FLNB: variants seen among roughly 807,000 people sequenced by gnomAD.
The protein encoded by FLNB is filamin B, also known as filamin-B.
Under a neutral mutation model 250.6 loss-of-function variants are expected in FLNB, and 111 were observed. The ratio of observed to expected loss-of-function variants is 0.44; its 90% confidence interval spans 0.38 to 0.52. The LOEUF is 0.52. Among genes scored for constraint, FLNB ranks in the 20% least tolerant of loss-of-function variants. The pLI is 0.00. For missense variants in FLNB, 2,869 were observed against 3,447.8 expected (o/e 0.83, Z 4.20); for synonymous variants, 1,302 against 1,372.1 (o/e 0.95, Z 1.13).
intron 1 of FLNB, among the ~76,000 whole-genome samples, chr3:58,043,715 G>T (rs9829520): frequency 3.9e-5 from 6 of 152,042 alleles, no homozygotes; most frequent in Non-Finnish European, 4.4e-5. Flanking sequence ...TGAGAGTGCT[G>T]AGTGCAAAAC....
intron 10 of FLNB, 69 bp downstream of exon 10, chr3:58,104,154 G>T: frequency 6.5e-7 from 1 of 1,532,202 alleles, no homozygotes; most frequent in Non-Finnish European, 8.9e-7. Context: ...ATGGGTAGTT[G>T]CTTCCCGGGC....
In FLNB at chr3:58,130,744, G is replaced by C; in HGVS notation, c.4226G>C (p.Ser1409Thr). The C allele has an allele frequency of 6.2e-7, 1 of 1,612,880 alleles. No homozygotes were observed. The highest frequency in any genetic ancestry group is 8.5e-7 in the Non-Finnish European group (1 of 1,179,534). ...ITYGGAHIPG[S>T]PFRVPVKDVV... ...AATCCCACAACCTCTCTTCCAGGCA[G>C]CCCCTTCAGGGTTCCTGTGAAGGAT... The change falls in exon 25 of 46, where the codon AGC becomes ACC. Residue 1409 changes from serine to threonine, a missense_variant. By Grantham distance (58) the Ser-to-Thr change is moderately conservative (BLOSUM62 1). Around this residue, in one of 5 missense-constraint regions of FLNB, gnomAD observed 1,348 missense variants for 1,466.7 expected, o/e 0.92. Coordinates refer to ENST00000295956, the MANE Select transcript of FLNB (RefSeq NM_001457.4).
intron 18 of FLNB, among the ~76,000 whole-genome samples, chr3:58,115,146 G>A (rs947073855): frequency 2.6e-5 from 4 of 152,224 alleles, no homozygotes; most frequent in Non-Finnish European, 4.4e-5. Context: ...TATAGATAGA[G>A]CATTCTTTTC....
chr3:58,119,467 C>G (rs185289846), intron 19 of FLNB, among the ~76,000 whole-genome samples: 1 of 152,198 alleles, frequency 6.6e-6, no homozygotes, highest in East Asian at 1.9e-4. Flanking sequence ...GTCACTACCA[C>G]CACACCTCTG....
At chr3:58,024,660 T>A (rs1276780322) in intron 1 of FLNB, among the ~76,000 whole-genome samples, 1 of 151,402 alleles carries the variant, frequency 6.6e-6, no homozygotes, top group Non-Finnish European at 1.5e-5. Context: ...GGAACCATCA[T>A]GAGTGGCATT....
chr3:58,149,481 A>T (rs969214583), intron 36 of FLNB: 11 of 323,240 alleles, frequency 3.4e-5, no homozygotes, highest in African/African-American at 2.4e-4. Flanking sequence ...CTATTTAAAA[A>T]TTCAAAATCT....
chr3:58,047,387 T>C (rs538689203), intron 1 of FLNB, among the ~76,000 whole-genome samples: 4 of 152,150 alleles, frequency 2.6e-5, no homozygotes, highest in Non-Finnish European at 4.4e-5. Context: ...ATTTATTTAT[T>C]TATTTTAGAG....
At chr3:58,135,857 A>G (rs2097315019) in intron 27 of FLNB, 122 bp from the exon 28 acceptor site, 2 of 1,014,992 alleles carry the variant, frequency 2.0e-6, no homozygotes, top group Admixed American at 2.1e-5. Context: ...ACTAGATTGT[A>G]TTAAGCCATC....
At chr3:58,066,017 A>C (rs2097185081) in intron 1 of FLNB, among the ~76,000 whole-genome samples, 1 of 152,102 alleles carries the variant, frequency 6.6e-6, no homozygotes, top group South Asian at 2.1e-4. Context: ...GAGCTCCTCC[A>C]CTTCTGCTCA....
intron 1 of FLNB, among the ~76,000 whole-genome samples, chr3:58,038,446 T>A (rs1389226325): frequency 1.3e-5 from 2 of 151,116 alleles, no homozygotes; most frequent in Non-Finnish European, 2.9e-5. Flanking sequence ...ATGGCTTTTT[T>A]TTTTTTCCTG....
At chr3:58,131,824 T>C (rs2097307938) in intron 25 of FLNB, 5 of 769,362 alleles carry the variant, frequency 6.5e-6, no homozygotes, top group East Asian at 5.3e-5. Flanking sequence ...TGTGTCCCTG[T>C]GTATGTGTGA....
At chr3:58,114,471 G>A (rs1045653155) in intron 18 of FLNB, among the ~76,000 whole-genome samples, 3 of 152,150 alleles carry the variant, frequency 2.0e-5, no homozygotes, top group African/African-American at 7.2e-5. Context: ...GGTTGCTTCC[G>A]TCTTTTGTCT....
chr3:58,068,183 ACTGACCAT>A (rs2097188773), intron 1 of FLNB, among the ~76,000 whole-genome samples: 1 of 152,224 alleles, frequency 6.6e-6, no homozygotes, highest in African/African-American at 2.4e-5. Flanking sequence ...GGGGAGGCTG[ACTGACCAT>A]CTAGGTGGAA....
chr3:58,105,146 C>T lies in FLNB; in HGVS notation c.1677C>T (p.Leu559=). Reference sequence around the variant, plus strand: ...AAGTCCGTGCTTGGGGCCCTGGGCTCCATGGTGGGATTGTCGGGCGGTCAG... The same window carrying T: ...AAGTCCGTGCTTGGGGCCCTGGGCTTCATGGTGGGATTGTCGGGCGGTCAG... ...MQKVRAWGPG[L]HGGIVGRSAD... Residue 559 remains leucine (L), a synonymous_variant, in exon 11 of 46, where the codon CTC becomes CTT. Transcript: ENST00000295956. 3.1e-6 allele frequency: 5 copies of T among 1,614,228 alleles called. No homozygotes were observed. Among genetic ancestry groups the T allele is most frequent in the African/African-American group, 1.3e-5 (1 of 75,056 alleles).
chr3:58,103,694 C>G (rs2107090576), intron 9 of FLNB, among the ~76,000 whole-genome samples: 1 of 152,250 alleles, frequency 6.6e-6, no homozygotes, highest in African/African-American at 2.4e-5. Flanking sequence ...CTCAGGGCCC[C>G]TCGTAGCCAA....
rs138220431 is a variant in FLNB at position 58,104,034 on chromosome 3, C to T, written c.1559C>T (p.Pro520Leu). 3,380 of 1,613,792 alleles carry T rather than the reference C, an allele frequency of 2.1e-3. 3 individuals carry two copies. Among genetic ancestry groups the T allele is most frequent in the Middle Eastern group, 3.0e-3 (18 of 6,020 alleles). Residue 520 changes from proline to leucine, a missense_variant, in exon 10 of 46, where the codon CCG becomes CTG. Physicochemically the swap from Pro to Leu is moderately conservative, Grantham distance 98. This residue lies in a region of FLNB where 1,348 missense variants were observed against 1,466.7 expected (regional missense o/e 0.92). Coordinates refer to ENST00000295956, the MANE Select transcript of FLNB (RefSeq NM_001457.4). Reference protein sequence around the residue: ...VYAFEYYPSTPGRYSIAITWG... With the variant: ...VYAFEYYPSTLGRYSIAITWG... ...GCATTCGAGTATTACCCCAGCACCC[C>T]GGGGAGATACAGCATTGCCATCACA...
intron 18 of FLNB, among the ~76,000 whole-genome samples, chr3:58,118,462 G>A (rs1389604913): frequency 6.6e-6 from 1 of 152,116 alleles, no homozygotes; most frequent in Non-Finnish European, 1.5e-5. Flanking sequence ...TGGGTATGAG[G>A]CCCAGCTCGC....
At position 58,153,414 on chromosome 3, in the gene FLNB, C is replaced by T. The variant is rs1278613736; in HGVS notation, c.6407C>T (p.Pro2136Leu). 1.9e-6 allele frequency: 3 copies of T among 1,614,132 alleles called. No individual in the cohort carries two copies. Among genetic ancestry groups the T allele is most frequent in the Admixed American group, 3.3e-5 (2 of 60,018 alleles). Residue 2136 changes from proline to leucine, a missense_variant, in exon 39 of 46, where the codon CCC becomes CTC. Coordinates refer to ENST00000295956, the MANE Select transcript of FLNB (RefSeq NM_001457.4). Reference sequence around the variant, plus strand: ...GATATGTCGGCCCACGTCACCAGCCCCTCTGGCCGTGTGACTGAGGCAGAG... The same window carrying T: ...GATATGTCGGCCCACGTCACCAGCCTCTCTGGCCGTGTGACTGAGGCAGAG... ...SSDMSAHVTS[P>L]SGRVTEAEIV...
At chr3:58,111,103 A>G (rs549715724) in intron 16 of FLNB, among the ~76,000 whole-genome samples, 1 of 152,198 alleles carries the variant, frequency 6.6e-6, no homozygotes, top group East Asian at 1.9e-4. Flanking sequence ...TAGCTTCTAG[A>G]TATGTTCTAC....
Sources: gnomAD v4.1 joint callset for allele counts (sites outside exome capture counted in the v4.1 genomes callset) on GRCh38, gnomAD v4.1.1 for gene constraint, gnomAD v4.1.1 regional missense constraint, MANE v1.5 for transcripts, NCBI Gene and HGNC (gene_info 2026-07-23, HGNC 2026-07-21) for gene names.